Variants in CATSPERE observed in about 807,000 individuals in gnomAD.
The protein encoded by CATSPERE is catsper channel auxiliary subunit epsilon, also known as cation channel sperm-associated auxiliary subunit epsilon.
In CATSPERE, 93 loss-of-function variants were observed where a neutral mutation model predicts 114.1. The ratio of observed to expected loss-of-function variants is 0.81; its 90% CI spans 0.69 to 0.97. The LOEUF (loss-of-function observed/expected upper bound fraction) is 0.97. Ranked by LOEUF, CATSPERE falls within the 50% of genes least tolerant of loss-of-function variation. The pLI is 0.00. For missense variants in CATSPERE, 1,058 were observed against 1,131.6 expected (o/e 0.93, Z 0.93); for synonymous variants, 341 against 384.1 (o/e 0.89, Z 1.31).
chr1:244,526,911 A>G (rs149535507), intron 8 of CATSPERE, among the ~76,000 whole-genome samples: 19,522 of 152,112 alleles, frequency 0.13, 2,176 homozygotes, highest in African/African-American at 0.3. Flanking sequence ...CCCCCAAGCC[A>G]CAAAACCAGC....
At chr1:244,499,232 A>G (rs1033030917) in intron 7 of CATSPERE, among the ~76,000 whole-genome samples, 153 bp downstream of exon 7, 2 of 152,196 alleles carry the variant, frequency 1.3e-5, no homozygotes, top group Non-Finnish European at 2.9e-5. Flanking sequence ...TAGCCATTAT[A>G]GTAGTTTTGA....
At position 244,592,206 on chromosome 1, in the gene CATSPERE, C is replaced by T. The variant is rs529515870; in HGVS notation, c.2189+475C>T. 2.1e-4 allele frequency among the ~76,000 whole-genome samples: 32 copies of T among 152,136 alleles called. No homozygotes were observed. In the South Asian group the frequency reaches 6.4e-3, roughly 31 times the overall value. ...TCTACTAAAAATACAAAAAACTAGC[C>T]GGGCATGGTGGCTTAAATTCTACAA... is the stretch of plus-strand genomic sequence containing the variant. On this transcript the variant is annotated intron_variant, in intron 15 of 21. Coordinates refer to ENST00000366534, the MANE Select transcript of CATSPERE (RefSeq NM_001130957.2).
chr1:244,490,342 AAG>A, intron 5 of CATSPERE, 103 bp from the exon 6 acceptor site: 1 of 700,308 alleles, frequency 1.4e-6, no homozygotes, highest in Admixed American at 2.9e-5. Context: ...ATGAAATATA[AAG>A]AGAATATGCA....
At chr1:244,595,667 C>T (rs577966468) in intron 17 of CATSPERE, among the ~76,000 whole-genome samples, 40 of 152,320 alleles carry the variant, frequency 2.6e-4, no homozygotes, top group African/African-American at 9.6e-4. Flanking sequence ...CACAGTGGCT[C>T]ACGCCTGTAA....
rs1012255584 is a variant in CATSPERE at position 244,483,343 on chromosome 1, C to T, written c.326+3559C>T. ...AATGAAGGTTTCTCTAAGGTAGAGA[C>T]CTAAAAGTACAATTGCCTAAAAGTA... On this transcript the variant is annotated intron_variant, in intron 5 of 21. Coordinates refer to ENST00000366534, the MANE Select transcript of CATSPERE (RefSeq NM_001130957.2). 1.6e-4 allele frequency among the ~76,000 whole-genome samples: 25 copies of T among 152,156 alleles called. 1 individual carries two copies. The highest frequency in any genetic ancestry group is 6.5e-5 in the Admixed American group (1 of 15,278).
In CATSPERE at chr1:244,572,556, A is replaced by G. The variant is rs10927267; in HGVS notation, c.1734A>G (p.Thr578=). The stretch of plus-strand genomic sequence containing the variant: ...TGGAAGCACAAAGTATAGCTTTCAC[A>G]ACAAAAGACAAATGCCCATACATGG... ...LHLEAQSIAF[T]TKDKCPYMAF... Residue 578 remains threonine, a synonymous_variant, in exon 11 of 22, where the codon ACA becomes ACG. Coordinates refer to ENST00000366534, the MANE Select transcript of CATSPERE (RefSeq NM_001130957.2). 0.12 allele frequency: 198,514 copies of G among 1,613,882 alleles called. 18,413 individuals are homozygous for G. The highest frequency in any genetic ancestry group is 0.39 in the African/African-American group (29,349 of 74,948).
intron 8 of CATSPERE, among the ~76,000 whole-genome samples, chr1:244,547,988 G>A (rs1297705201): frequency 6.6e-6 from 1 of 152,148 alleles, no homozygotes; most frequent in East Asian, 1.9e-4. Flanking sequence ...CCAATTCATG[G>A]GCTGCAGCCA....
intron 2 of CATSPERE, among the ~76,000 whole-genome samples, chr1:244,470,058 A>T (rs1668231075): frequency 6.6e-6 from 1 of 152,244 alleles, no homozygotes; most frequent in South Asian, 2.1e-4. Context: ...TGAATGGATC[A>T]AAGACCTAAA....
chr1:244,578,843 T>TATATATAC (rs756669283), intron 11 of CATSPERE, among the ~76,000 whole-genome samples: 1,542 of 139,546 alleles, frequency 0.011, 14 homozygotes, highest in Non-Finnish European at 0.017. Flanking sequence ...TATATATATA[T>TATATATAC]ACACACACAC....
upstream of CATSPERE, among the ~76,000 whole-genome samples, chr1:244,451,455 G>A (rs1046943182): frequency 6.6e-6 from 1 of 152,190 alleles, no homozygotes; most frequent in East Asian, 1.9e-4. The surrounding 1 kb of genome is among the most constrained non-coding windows in gnomAD (Gnocchi z 6.6). Flanking sequence ...CAGGTCAGGG[G>A]TCCCCGACCT....
chr1:244,478,636 G>A (rs1203464908), intron 4 of CATSPERE, among the ~76,000 whole-genome samples: 2 of 152,198 alleles, frequency 1.3e-5, no homozygotes, highest in East Asian at 1.9e-4. Flanking sequence ...TAGACAGAGC[G>A]ATGTGGGAGA....
At position 244,640,244 on chromosome 1, in the gene CATSPERE, A is replaced by G. The variant is rs1675192108; in HGVS notation, c.*163A>G. ...AAAATATTCTTGAACTATCTCCAAA[A>G]TAGAAATGTTTTCATATATATTGTT... On this transcript the variant is annotated 3_prime_UTR_variant, in exon 22 of 22. Transcript: ENST00000366534. 5.6e-6 allele frequency: 3 copies of G among 533,324 alleles called. No individual in the cohort carries two copies. Among genetic ancestry groups the G allele is most frequent in the Non-Finnish European group, 9.7e-6 (3 of 309,466 alleles). The allele number at this position is 533,324 out of a possible 1,614,324, so 33.0% of individuals were successfully genotyped here.
intron 11 of CATSPERE, among the ~76,000 whole-genome samples, chr1:244,581,085 G>A (rs1439781403): frequency 6.6e-6 from 1 of 151,600 alleles, no homozygotes; most frequent in Non-Finnish European, 1.5e-5. Flanking sequence ...AAGTAATATA[G>A]CTAAGCTTTG....
chr1:244,518,826 A>G (rs1677059088), intron 8 of CATSPERE, 128 bp downstream of exon 8: 1 of 521,436 alleles, frequency 1.9e-6, no homozygotes, highest in Admixed American at 3.8e-5. Flanking sequence ...TAAAACATAA[A>G]AAATTTGATA....
intron 5 of CATSPERE, among the ~76,000 whole-genome samples, chr1:244,490,244 G>A (rs1464447306): frequency 1.3e-5 from 2 of 152,166 alleles, no homozygotes; most frequent in Admixed American, 1.3e-4. Context: ...CTTCTGTGAT[G>A]ACAAATGAGA....
intron 7 of CATSPERE, among the ~76,000 whole-genome samples, chr1:244,506,643 G>C (rs1001658688): frequency 6.6e-6 from 1 of 152,020 alleles, no homozygotes; most frequent in African/African-American, 2.4e-5. Flanking sequence ...AATCTTATTA[G>C]ATTGTGTATA....
At chr1:244,503,799 G>GAGCCCA (rs1674424992) in intron 7 of CATSPERE, among the ~76,000 whole-genome samples, 1 of 152,082 alleles carries the variant, frequency 6.6e-6, no homozygotes, top group East Asian at 1.9e-4. Context: ...TCAAACCTCT[G>GAGCCCA]GGCTCAAGCG....
Position 244,619,435 on chromosome 1 carries a change from T to C in CATSPERE, c.2648+1749T>C, listed in dbSNP as rs566188634. Among the ~76,000 whole-genome samples, 3 of 152,312 alleles carry C rather than the reference T, an allele frequency of 2.0e-5. No homozygotes were observed. In the East Asian group the frequency reaches 5.8e-4, roughly 29 times the overall value. ...TAACAGAGAGGTCCTAAACATGTTCTAAAATCATGATAATCAATGCAGGAT... is the reference window on the plus strand; with the variant it reads ...TAACAGAGAGGTCCTAAACATGTTCCAAAATCATGATAATCAATGCAGGAT... On this transcript the variant is annotated intron_variant, in intron 20 of 21. Transcript: ENST00000366534.
rs528258116 is a variant in CATSPERE at position 244,570,937 on chromosome 1, G to A, written c.1508-1393G>A. Among the ~76,000 whole-genome samples, 14 of 152,296 alleles carry A rather than the reference G, an allele frequency of 9.2e-5. No homozygotes were observed. The East Asian group carries it at 2.7e-3, about 29-fold the overall frequency. On this transcript the variant is annotated intron_variant, in intron 10 of 21. Transcript: ENST00000366534. ...AACTGAAATTAGGTCAGTCTGACTA[G>A]ATAACACAGTGTAAGGCAAAAAATG... is the stretch of plus-strand genomic sequence containing the variant.
Sources: gnomAD v4.1 joint callset for allele counts (sites outside exome capture counted in the v4.1 genomes callset) on GRCh38, gnomAD v4.1.1 for gene constraint, Gnocchi (gnomAD v3.1) non-coding constraint, MANE v1.5 for transcripts, NCBI Gene and HGNC (gene_info 2026-07-23, HGNC 2026-07-21) for gene names.